ZDHHC17: variants seen among roughly 807,000 people sequenced by gnomAD.
The protein encoded by ZDHHC17 is zDHHC palmitoyltransferase 17.
Under a neutral mutation model 90.3 loss-of-function variants are expected in ZDHHC17, and 40 were observed. The observed-to-expected ratio is 0.44, with a 90% CI of 0.34 to 0.58. ZDHHC17 has a LOEUF of 0.58. Ranked by LOEUF, ZDHHC17 falls within the 20% of genes least tolerant of loss-of-function variation. The pLI is 0.01. For synonymous variants in ZDHHC17, 235 were observed against 252.4 expected, an observed-to-expected ratio of 0.93 and a Z score of 0.65; for missense variants, 614 against 780.8, an observed-to-expected ratio of 0.79 and a Z score of 2.55.
At chr12:76,814,093 A>G (rs1401027238) in intron 5 of ZDHHC17, among the ~76,000 whole-genome samples, 1 of 152,006 alleles carries the variant, frequency 6.6e-6, no homozygotes, top group Non-Finnish European at 1.5e-5. Context: ...TGAGACACAC[A>G]TTTCAGGCAT....
intron 1 of ZDHHC17, chr12:76,764,673 C>A: frequency 1.9e-6 from 1 of 513,570 alleles, no homozygotes. Context: ...CCTAGTCTTG[C>A]TCCAAGCCTC....
At chr12:76,778,933 C>T (rs565961672) in intron 1 of ZDHHC17, among the ~76,000 whole-genome samples, 2 of 152,146 alleles carry the variant, frequency 1.3e-5, no homozygotes, top group African/African-American at 2.4e-5. Flanking sequence ...GCTGCATTCT[C>T]ATATTCTCAC....
chr12:76,813,108 CA>C (rs1219676893), intron 5 of ZDHHC17, among the ~76,000 whole-genome samples: 1 of 151,916 alleles, frequency 6.6e-6, no homozygotes. Context: ...TTAATACTAT[CA>C]TTTTTTAAAA....
chr12:76,821,085 T>A (rs1342926169), intron 7 of ZDHHC17: 1 of 1,289,340 alleles, frequency 7.8e-7, no homozygotes, highest in East Asian at 5.6e-5. Flanking sequence ...CATGGCCCTC[T>A]AGTGGAAGGG....
chr12:76,852,594 C>T lies in ZDHHC17; in HGVS notation c.*1609C>T, dbSNP rs958750560. 6.6e-6 allele frequency: 1 copy of T among 152,468 alleles called. No homozygotes were observed. The highest frequency in any genetic ancestry group is 2.4e-5 in the African/African-American group (1 of 41,424). The allele number at this position is 152,468 out of a possible 1,614,324, so 9.4% of individuals were successfully genotyped here. A position where few individuals can be genotyped will look rare whatever the true frequency, so the allele number is the denominator to read the frequency against. On this transcript the variant is annotated 3_prime_UTR_variant, in exon 17 of 17. Transcript: ENST00000426126. ...AAAATGCAGATTACAGGTATTAAAG[C>T]AATCTAGTGGTATACCCGCCCCTTG...
Position 76,797,941 on chromosome 12 carries a change from C to CCACACA in ZDHHC17, c.197+436_197+441dup, listed in dbSNP as rs60610921. ...CCTAGGCAACAAGAGTGAAACTCTG[C>CCACACA]CACACACACACACACACACACACAC... On this transcript the variant is annotated intron_variant, in intron 2 of 16. Coordinates refer to ENST00000426126, the MANE Select transcript of ZDHHC17 (RefSeq NM_015336.4). 5.3e-3 allele frequency among the ~76,000 whole-genome samples: 784 copies of CCACACA among 147,570 alleles called. 5 individuals carry two copies. The highest frequency in any genetic ancestry group is 0.014 in the South Asian group (62 of 4,562).
Position 76,849,323 on chromosome 12 carries a change from C to CAAAAAA in ZDHHC17, c.1666-40_1666-35dup, listed in dbSNP as rs34062414. 3.6e-3 allele frequency: 1,614 copies of CAAAAAA among 453,828 alleles called. 14 individuals carry two copies. Among genetic ancestry groups the CAAAAAA allele is most frequent in the East Asian group, 4.1e-3 (65 of 15,874 alleles). 28.1% of individuals were successfully genotyped at this position (453,828 alleles called of 1,614,324 possible). On this transcript the variant is annotated intron_variant, in intron 15 of 16. Transcript: ENST00000426126. ...TGGGTGACAGGGCAAGGTCCTGTCTCAAAAAAAAAAAAAAAAAACAAGAAT... is the reference window on the plus strand; with the variant it reads ...TGGGTGACAGGGCAAGGTCCTGTCTCAAAAAAAAAAAAAAAAAAAAAAAACAAGAAT...
chr12:76,849,415 GC>G lies in ZDHHC17; in HGVS notation c.1707del (p.Arg570GlyfsTer22). 6.4e-7 allele frequency: 1 copy of G among 1,552,840 alleles called. No homozygotes were observed. Among genetic ancestry groups the G allele is most frequent in the Non-Finnish European group, 8.7e-7 (1 of 1,147,152 alleles). ...TATTACTACAAATGAAAGAATGAAT[GC>G]CAGGAGATACAAGCACTTTAAAGTC... ...LGITTNERMN[A>X]RRYKHFKVTT... On this transcript the variant is annotated frameshift_variant, in exon 16 of 17. Coordinates refer to ENST00000426126, the MANE Select transcript of ZDHHC17 (RefSeq NM_015336.4). LOFTEE classifies it high-confidence loss of function.
At chr12:76,784,963 T>G (rs1952668606) in intron 1 of ZDHHC17, among the ~76,000 whole-genome samples, 1 of 152,224 alleles carries the variant, frequency 6.6e-6, no homozygotes, top group Non-Finnish European at 1.5e-5. Flanking sequence ...CTGCTTATTA[T>G]GAGAAGGCTA....
At chr12:76,842,811 C>A in intron 11 of ZDHHC17, 108 bp from the exon 12 acceptor site, 1 of 753,378 alleles carries the variant, frequency 1.3e-6, no homozygotes, top group Non-Finnish European at 2.1e-6. Context: ...GAACTCAAAA[C>A]ATCAGTAAAT....
chr12:76,771,475 C>T (rs925680583), intron 1 of ZDHHC17, among the ~76,000 whole-genome samples: 6 of 152,098 alleles, frequency 3.9e-5, no homozygotes, highest in East Asian at 1.9e-4. Context: ...TTCTGATTAT[C>T]GGTGATACTG....
chr12:76,841,378 T>C (rs1324419247), intron 10 of ZDHHC17, among the ~76,000 whole-genome samples: 2 of 152,222 alleles, frequency 1.3e-5, no homozygotes, highest in African/African-American at 4.8e-5. Context: ...AATGTATTGC[T>C]CTAGCGACAT....
intron 5 of ZDHHC17, 84 bp from the exon 6 acceptor site, chr12:76,815,062 A>G: frequency 1.2e-6 from 1 of 854,374 alleles, no homozygotes; most frequent in Non-Finnish European, 1.8e-6. Flanking sequence ...TTCTCCTTTT[A>G]TATATAGATT....
chr12:76,767,031 A>AT (rs1193737656), intron 1 of ZDHHC17, among the ~76,000 whole-genome samples: 1 of 151,342 alleles, frequency 6.6e-6, no homozygotes, highest in Non-Finnish European at 1.5e-5. Context: ...AAAAAAAAAA[A>AT]AAAGAAAAGA....
intron 1 of ZDHHC17, among the ~76,000 whole-genome samples, chr12:76,771,432 A>G (rs576943606): frequency 6.6e-6 from 1 of 152,322 alleles, no homozygotes. Flanking sequence ...TTTCTTTGAT[A>G]AATTAGAACA....
chr12:76,767,026 A>AG (rs1198063934), intron 1 of ZDHHC17, among the ~76,000 whole-genome samples: 1 of 151,746 alleles, frequency 6.6e-6, no homozygotes, highest in Admixed American at 6.6e-5. Flanking sequence ...CTCAAAAAAA[A>AG]AAAAAAAAGA....
At chr12:76,846,305 G>A (rs2137806880) in intron 13 of ZDHHC17, 1 of 331,792 alleles carries the variant, frequency 3.0e-6, no homozygotes, top group African/African-American at 2.1e-5. Context: ...AGATAAAATA[G>A]GGCTATTTTA....
chr12:76,809,687 TAA>T (rs1397468102), intron 4 of ZDHHC17, 24 bp from the exon 5 acceptor site: 3 of 1,407,758 alleles, frequency 2.1e-6, no homozygotes, highest in Non-Finnish European at 2.8e-6. Context: ...TTTATATATC[TAA>T]GTGTTTATTC....
chr12:76,783,534 C>T (rs1465058126), intron 1 of ZDHHC17, among the ~76,000 whole-genome samples: 17 of 152,242 alleles, frequency 1.1e-4, no homozygotes, highest in African/African-American at 3.6e-4. Flanking sequence ...TCAGGTGCTT[C>T]GCACAACACC....
Sources: allele counts gnomAD v4.1 joint callset (sites outside exome capture counted in the v4.1 genomes callset), GRCh38; gene constraint gnomAD v4.1.1; transcripts MANE v1.5; gene names NCBI Gene and HGNC (gene_info 2026-07-23, HGNC 2026-07-21).